ADGRF3: variants seen among roughly 807,000 people sequenced by gnomAD.
ADGRF3 encodes the protein G protein-coupled receptor 113.
Under a neutral mutation model 93.2 loss-of-function variants are expected in ADGRF3, and 85 were observed. That is an observed-to-expected ratio of 0.91 (90% CI 0.77 to 1.09). ADGRF3 has a LOEUF of 1.09. ADGRF3 is among the 50% of genes least tolerant of loss of function. The probability of loss-of-function intolerance (pLI) is 0.00; values close to 1 mark genes in which losing one functional copy is unlikely to be tolerated. For synonymous variants in ADGRF3, 534 were observed against 532.5 expected, an observed-to-expected ratio of 1.00 and a Z score of -0.04; for missense variants, 1,125 against 1,246.2, an observed-to-expected ratio of 0.90 and a Z score of 1.46.
In ADGRF3 at chr2:26,309,028, T is replaced by C; in HGVS notation, c.*58A>G. The C allele has an allele frequency of 6.2e-7, 1 of 1,613,384 alleles. No homozygotes were observed. Among genetic ancestry groups the C allele is most frequent in the South Asian group, 1.1e-5 (1 of 91,070 alleles). ...TCAGAGCATTGGGCCAGGGCTCATC[T>C]GGTGGGTTCAAGCACACAGCCTCAA... On this transcript the variant is annotated 3_prime_UTR_variant, in exon 14 of 14. Transcript: ENST00000651242.
At position 26,308,893 on chromosome 2, in the gene ADGRF3, G is replaced by A. The variant is rs1673779550; in HGVS notation, c.*193C>T. ...TTAGCTAATTTTTCCTGCTATTCTT[G>A]CTGGATACTTTAGAAATGAGAAGGG... On this transcript the variant is annotated 3_prime_UTR_variant, in exon 14 of 14. Coordinates refer to ENST00000651242, the MANE Select transcript of ADGRF3 (RefSeq NM_001321971.2). The A allele has an allele frequency of 1.5e-6, 1 of 657,506 alleles. No homozygotes were observed. The highest frequency in any genetic ancestry group is 2.5e-6 in the Non-Finnish European group (1 of 396,144). The allele number at this position is 657,506 out of a possible 1,614,324, so 40.7% of individuals were successfully genotyped here.
intron 1 of ADGRF3, among the ~76,000 whole-genome samples, chr2:26,323,741 T>C (rs2147899225): frequency 6.6e-6 from 1 of 151,916 alleles, no homozygotes; most frequent in Admixed American, 6.6e-5. Flanking sequence ...GTGATTCTCC[T>C]GCCTCAGCCT....
In ADGRF3 at chr2:26,313,891, T is replaced by G. The variant is rs1215828499; in HGVS notation, c.941A>C (p.Asn314Thr). 6.2e-7 allele frequency: 1 copy of G among 1,613,912 alleles called. No homozygotes were observed. The highest frequency in any genetic ancestry group is 8.5e-7 in the Non-Finnish European group (1 of 1,179,882). The change falls in exon 7 of 14, where the codon AAC becomes ACC. Residue 314 changes from asparagine to threonine, a missense_variant. Physicochemically the swap from Asn to Thr is moderately conservative, Grantham distance 65 (BLOSUM62 0). Coordinates refer to ENST00000651242, the MANE Select transcript of ADGRF3 (RefSeq NM_001321971.2). ...CACAAAGCACTGAGAGCCTGACTCG[T>G]TGAAGGAGGAAGCTGAAGGCAAAAC... ...PGEGSKASSF[N>T]ESGSQCFVLA...
Position 26,311,222 on chromosome 2 carries a change from G to T in ADGRF3, c.2302C>A (p.Pro768Thr), listed in dbSNP as rs1055934292. Reference sequence around the variant, plus strand: ...GCAGCAAGGCAGAGCGGGCTTCGGGGCCCTGGAGAGAGGAATGGGGCGCCC... The same window carrying T: ...GCAGCAAGGCAGAGCGGGCTTCGGGTCCCTGGAGAGAGGAATGGGGCGCCC... ...FLGAPFLSPGPRSPLCLAAAF... is the reference protein window; with the variant it reads ...FLGAPFLSPGTRSPLCLAAAF... Residue 768 changes from proline (P) to threonine (T), a missense_variant, in exon 10 of 14, where the codon CCC (proline) becomes ACC (threonine). Pro to Thr is a conservative substitution (Grantham distance 38, BLOSUM62 -1). Transcript: ENST00000651242. The T allele has an allele frequency of 1.2e-6, 2 of 1,605,812 alleles. No individual in the cohort carries two copies. The highest frequency in any genetic ancestry group is 1.7e-6 in the Non-Finnish European group (2 of 1,176,324).
At chr2:26,331,267 A>G (rs1675751004) in intron 1 of ADGRF3, among the ~76,000 whole-genome samples, 3 of 152,194 alleles carry the variant, frequency 2.0e-5, no homozygotes, top group African/African-American at 7.2e-5. Context: ...ATAAAAAAGT[A>G]TGTGTGGCCA....
At position 26,311,975 on chromosome 2, in the gene ADGRF3, G is replaced by T; in HGVS notation, c.1549C>A (p.Leu517Met). The change falls in exon 10 of 14, where the codon CTG becomes ATG. Residue 517 changes from leucine to methionine, a missense_variant. Physicochemically the swap from Leu to Met is conservative, Grantham distance 15 (BLOSUM62 2). Coordinates refer to ENST00000651242, the MANE Select transcript of ADGRF3 (RefSeq NM_001321971.2). ...RKPWAGSTLL[L>M]AVETLACSLC... is the part of the protein sequence containing the mutation. ...CTGCATGCCAGGGTCTCCACAGCCA[G>T]CAGGAGAGTCGAGCCTGCCCAGGGC... The T allele has an allele frequency of 6.2e-7, 1 of 1,613,638 alleles. No homozygotes were observed. Among genetic ancestry groups the T allele is most frequent in the Non-Finnish European group, 8.5e-7 (1 of 1,179,880 alleles).
At chr2:26,338,295 C>T (rs1676165933) in intron 1 of ADGRF3, among the ~76,000 whole-genome samples, 1 of 152,100 alleles carries the variant, frequency 6.6e-6, no homozygotes, top group Admixed American at 6.6e-5. Context: ...GGGAGGATTG[C>T]TTGAGTCCAG....
chr2:26,329,607 C>T (rs1675650535), intron 1 of ADGRF3, among the ~76,000 whole-genome samples: 1 of 152,220 alleles, frequency 6.6e-6, no homozygotes, highest in Non-Finnish European at 1.5e-5. Flanking sequence ...ATCTCACTCT[C>T]AGAACACATT....
At chr2:26,310,602 G>A (rs1574691861) in intron 10 of ADGRF3, 90 bp downstream of exon 10, 2 of 1,343,926 alleles carry the variant, frequency 1.5e-6, no homozygotes, top group East Asian at 5.0e-5. Flanking sequence ...TGTTTCTTCT[G>A]CTCCACCTTG....
At chr2:26,320,751 G>A (rs1170113948) in intron 1 of ADGRF3, among the ~76,000 whole-genome samples, 2 of 152,246 alleles carry the variant, frequency 1.3e-5, no homozygotes, top group African/African-American at 4.8e-5. Flanking sequence ...TATTAAAAAG[G>A]GAGAGCTTAT....
At chr2:26,312,896 A>G (rs772914529) in intron 9 of ADGRF3, 47 bp downstream of exon 9, 1 of 1,530,524 alleles carries the variant, frequency 6.5e-7, no homozygotes, top group South Asian at 1.2e-5. Context: ...GGGAGTCTTC[A>G]GCCCCCGACT....
chr2:26,312,874 T>A, intron 9 of ADGRF3, 69 bp downstream of exon 9: 1 of 1,430,320 alleles, frequency 7.0e-7, no homozygotes, highest in East Asian at 2.5e-5. Context: ...GGGACAGAAA[T>A]GCCCACAGGT....
Position 26,346,200 on chromosome 2 carries a change from G to A in ADGRF3, c.35C>T (p.Ala12Val), listed in dbSNP as rs745428068. ...TGTCACAGCCTTGTAGCCGGGAGTC[G>A]CTGCCGAGTGGGCGCTCAGTTTTCG... ...TTRKLSAHSA[A>V]TPGYKAVTHK... The change falls in exon 1 of 14, where the codon GCG (alanine) becomes GTG (valine). Residue 12 changes from alanine (A) to valine (V), a missense_variant. By Grantham distance (64) the Ala-to-Val change is moderately conservative. Coordinates refer to ENST00000651242, the MANE Select transcript of ADGRF3 (RefSeq NM_001321971.2). The A allele has an allele frequency of 6.2e-7, 1 of 1,613,402 alleles. No individual in the cohort carries two copies. The highest frequency in any genetic ancestry group is 2.2e-5 in the East Asian group (1 of 44,858).
At chr2:26,323,388 A>C (rs912885512) in intron 1 of ADGRF3, among the ~76,000 whole-genome samples, 27 of 152,194 alleles carry the variant, frequency 1.8e-4, no homozygotes, top group African/African-American at 6.3e-4. Context: ...AGCTGCTGGC[A>C]GCTTCTCTGA....
chr2:26,331,671 G>A (rs971901351), intron 1 of ADGRF3, among the ~76,000 whole-genome samples: 2 of 152,120 alleles, frequency 1.3e-5, no homozygotes, highest in East Asian at 1.9e-4. Flanking sequence ...TTGAGGCTGC[G>A]GTGAGCTATG....
At chr2:26,321,699 C>A (rs1460347425) in intron 1 of ADGRF3, among the ~76,000 whole-genome samples, 1 of 152,042 alleles carries the variant, frequency 6.6e-6, no homozygotes, top group South Asian at 2.1e-4. Flanking sequence ...AGGCTGGGCG[C>A]GGTGGCTCAC....
chr2:26,330,712 A>G (rs1432012308), intron 1 of ADGRF3, among the ~76,000 whole-genome samples: 3 of 152,090 alleles, frequency 2.0e-5, no homozygotes, highest in Non-Finnish European at 4.4e-5. Flanking sequence ...CCTCTCCTTG[A>G]GCCAGACCTA....
At chr2:26,319,199 A>C in intron 1 of ADGRF3, 1 of 773,940 alleles carries the variant, frequency 1.3e-6, no homozygotes, top group Non-Finnish European at 2.0e-6. Flanking sequence ...ACTCTGAGTG[A>C]AATGGGAATC....
rs760035447 is a variant in ADGRF3 at position 26,313,779 on chromosome 2, G to A, written c.1053C>T (p.Ile351=). The A allele has an allele frequency of 5.0e-6, 8 of 1,613,882 alleles. No homozygotes were observed. The South Asian group carries it at 6.6e-5, about 13-fold the overall frequency. ...GCGTACCCTGGATGATGGTGATGGAGATGGGGACCCTGAGTGGAGCCAGGC... is the reference window on the plus strand; with the variant it reads ...GCGTACCCTGGATGATGGTGATGGAAATGGGGACCCTGAGTGGAGCCAGGC... ...SLGLAPLRVP[I]SITIIQDGDI... Residue 351 remains isoleucine (I), a synonymous_variant, in exon 7 of 14, where the codon ATC becomes ATT. Coordinates refer to ENST00000651242, the MANE Select transcript of ADGRF3 (RefSeq NM_001321971.2).
Sources: gnomAD v4.1 joint callset for allele counts (sites outside exome capture counted in the v4.1 genomes callset) on GRCh38, gnomAD v4.1.1 for gene constraint, MANE v1.5 for transcripts, NCBI Gene and HGNC (gene_info 2026-07-23, HGNC 2026-07-21) for gene names.